Variants in SLC39A11 observed in about 807,000 individuals in gnomAD.
SLC39A11 encodes the protein solute carrier family 39 member 11, also known as zinc transporter ZIP11.
Under a neutral mutation model 36.1 loss-of-function variants are expected in SLC39A11, and 33 were observed. The observed-to-expected ratio is 0.91, with a 90% CI of 0.69 to 1.22. SLC39A11 has a LOEUF of 1.22. Ranked by LOEUF, SLC39A11 falls within the 50% of genes most tolerant of loss-of-function variation. The probability of loss-of-function intolerance (pLI) is 0.00; values close to 1 mark genes in which losing one functional copy is unlikely to be tolerated. For missense variants in SLC39A11, 432 were observed against 430.3 expected (o/e 1.00, Z -0.03); for synonymous variants, 166 against 170.3 (o/e 0.97, Z 0.20).
At chr17:72,747,868 G>A (rs1312366067) in intron 6 of SLC39A11, among the ~76,000 whole-genome samples, 3 of 152,218 alleles carry the variant, frequency 2.0e-5, no homozygotes, top group East Asian at 3.8e-4. Flanking sequence ...GTTAGAGGCT[G>A]TATAAAGGAT....
intron 5 of SLC39A11, among the ~76,000 whole-genome samples, chr17:72,900,016 GAGAAAGAGAGAGAGAGAGAA>G (rs1444776449): frequency 2.6e-4 from 35 of 132,854 alleles, no homozygotes; most frequent in African/African-American, 1.2e-3. Context: ...GAGAGAGAGA[GAGAAAGAGAGAGAGAGAGAA>G]AGAGAGAGAG....
intron 2 of SLC39A11, among the ~76,000 whole-genome samples, chr17:73,085,055 C>A (rs1354122892): frequency 6.6e-6 from 1 of 152,190 alleles, no homozygotes; most frequent in East Asian, 1.9e-4. Flanking sequence ...CAATCAGAAG[C>A]GTTCTTTCAA....
At chr17:72,853,171 T>C (rs983588713) in intron 5 of SLC39A11, among the ~76,000 whole-genome samples, 1 of 150,578 alleles carries the variant, frequency 6.6e-6, no homozygotes, top group Non-Finnish European at 1.5e-5. Flanking sequence ...CACGCCACCA[T>C]GGCCAGCTAA....
chr17:72,804,450 A>G (rs972904457), intron 6 of SLC39A11, among the ~76,000 whole-genome samples: 3 of 152,202 alleles, frequency 2.0e-5, no homozygotes, highest in African/African-American at 7.2e-5. Flanking sequence ...TTTAGAATCT[A>G]AAGTCGAGGG....
chr17:72,908,819 G>A lies in SLC39A11; in HGVS notation c.430+38933C>T, dbSNP rs144345409. Among the ~76,000 whole-genome samples, 73 of 152,286 alleles carry A rather than the reference G, an allele frequency of 4.8e-4. No individual in the cohort carries two copies. The East Asian group carries it at 0.012, about 25-fold the overall frequency. On this transcript the variant is annotated intron_variant, in intron 5 of 9. Transcript: ENST00000255559. Reference sequence around the variant, plus strand: ...TAGAAATTACCTTTAACTGCCCCACGCTGACGCATGACTGTATCTCCCCAG... The same window carrying A: ...TAGAAATTACCTTTAACTGCCCCACACTGACGCATGACTGTATCTCCCCAG...
At chr17:72,958,173 A>G (rs1379128758) in intron 4 of SLC39A11, among the ~76,000 whole-genome samples, 1 of 152,250 alleles carries the variant, frequency 6.6e-6, no homozygotes, top group Non-Finnish European at 1.5e-5. Flanking sequence ...ATATAGGAGA[A>G]TGAAACTGGA....
intron 3 of SLC39A11, among the ~76,000 whole-genome samples, chr17:73,040,811 C>G (rs917795654): frequency 2.2e-4 from 33 of 151,882 alleles, no homozygotes; most frequent in African/African-American, 7.0e-4. Flanking sequence ...ATGGTGAAAC[C>G]CTGTTTCTAC....
At chr17:73,009,958 C>T (rs1018698596) in intron 4 of SLC39A11, among the ~76,000 whole-genome samples, 2 of 150,706 alleles carry the variant, frequency 1.3e-5, no homozygotes, top group African/African-American at 4.9e-5. Flanking sequence ...TCATCGAATA[C>T]AACAAATTTT....
intron 4 of SLC39A11, among the ~76,000 whole-genome samples, chr17:72,970,752 G>T (rs1220782030): frequency 1.3e-5 from 2 of 152,218 alleles, no homozygotes; most frequent in African/African-American, 2.4e-5. Flanking sequence ...TGGATCCTGG[G>T]GTCACCTTGG....
intron 6 of SLC39A11, among the ~76,000 whole-genome samples, chr17:72,752,538 G>A (rs768322916): frequency 3.9e-5 from 6 of 152,090 alleles, no homozygotes; most frequent in Admixed American, 2.0e-4. Flanking sequence ...GAGCCACCAC[G>A]CCCGGGCCTT....
intron 6 of SLC39A11, among the ~76,000 whole-genome samples, chr17:72,786,734 A>C (rs1205039533): frequency 6.6e-6 from 1 of 152,184 alleles, no homozygotes; most frequent in South Asian, 2.1e-4. Context: ...GGATTCTTGT[A>C]CTGTCCTGGG....
intron 7 of SLC39A11, among the ~76,000 whole-genome samples, chr17:72,679,620 G>A (rs1441787202): frequency 6.6e-6 from 1 of 152,208 alleles, no homozygotes; most frequent in Admixed American, 6.5e-5. Flanking sequence ...AGACCCACTG[G>A]AGGCAAAGGG....
chr17:72,694,873 A>G (rs1417482604), intron 7 of SLC39A11, among the ~76,000 whole-genome samples: 1 of 152,104 alleles, frequency 6.6e-6, no homozygotes, highest in African/African-American at 2.4e-5. Flanking sequence ...CTCCATGGAC[A>G]TCCATTACGA....
chr17:72,900,205 G>GAAGGAAAA (rs2082311303), intron 5 of SLC39A11, among the ~76,000 whole-genome samples: 2 of 140,814 alleles, frequency 1.4e-5, no homozygotes, highest in African/African-American at 5.3e-5. Context: ...AAGAAAGAAA[G>GAAGGAAAA]AAAGAAAGAA....
At position 72,672,460 on chromosome 17, in the gene SLC39A11, CAT is replaced by C. The variant is rs1279502348; in HGVS notation, c.672-23194_672-23193del. 2.6e-5 allele frequency among the ~76,000 whole-genome samples: 4 copies of C among 152,138 alleles called. No homozygotes were observed. The East Asian group carries it at 7.7e-4, about 29-fold the overall frequency. ...TGAAACTCTGTCTCAAAAATAAAAA[CAT>C]AAAAAACAAAATCATGATTTCATGG... On this transcript the variant is annotated intron_variant, in intron 7 of 9. Transcript: ENST00000255559.
chr17:73,044,037 C>A (rs1252853364), intron 3 of SLC39A11, among the ~76,000 whole-genome samples: 1 of 152,050 alleles, frequency 6.6e-6, no homozygotes, highest in Non-Finnish European at 1.5e-5. Context: ...TATTAATTAA[C>A]GTAGATGGGC....
At chr17:72,798,100 C>G (rs2076954892) in intron 6 of SLC39A11, among the ~76,000 whole-genome samples, 1 of 152,060 alleles carries the variant, frequency 6.6e-6, no homozygotes, top group Admixed American at 6.5e-5. Flanking sequence ...ATGGGTGTAT[C>G]ACTAGGAGAA....
chr17:72,947,845 C>T lies in SLC39A11; in HGVS notation c.337G>A (p.Ala113Thr), dbSNP rs2147729224. Residue 113 changes from alanine (A) to threonine (T), a missense_variant, in exon 5 of 10, where the codon GCA becomes ACA. Ala to Thr is a moderately conservative substitution (Grantham distance 58, BLOSUM62 0). Coordinates refer to ENST00000255559, the MANE Select transcript of SLC39A11 (RefSeq NM_139177.4). Reference protein sequence around the residue: ...GAAEDPQTTLALNFGSTLMKK... With the variant: ...GAAEDPQTTLTLNFGSTLMKK... ...ATCAACGTAGAGCCGAAGTTCAGTG[C>T]CAGGGTCGTCTGGGGGTCTTCTGCT... The T allele has an allele frequency of 6.2e-7, 1 of 1,614,108 alleles. No homozygotes were observed. Among genetic ancestry groups the T allele is most frequent in the Non-Finnish European group, 8.5e-7 (1 of 1,180,036 alleles).
chr17:72,738,467 A>G (rs117237109), intron 6 of SLC39A11, among the ~76,000 whole-genome samples: 58 of 152,278 alleles, frequency 3.8e-4, no homozygotes, highest in African/African-American at 1.2e-3. Flanking sequence ...TTCCTGTGGT[A>G]CATGGGCTTG....
Sources: gnomAD v4.1 joint callset for allele counts (sites outside exome capture counted in the v4.1 genomes callset) on GRCh38, gnomAD v4.1.1 for gene constraint, MANE v1.5 for transcripts, NCBI Gene and HGNC (gene_info 2026-07-23, HGNC 2026-07-21) for gene names.